MEIS1: variants seen among roughly 807,000 people sequenced by gnomAD.
The protein encoded by MEIS1 is Meis homeobox 1.
In MEIS1, 5 loss-of-function variants were observed where a neutral mutation model predicts 50.8. The observed-to-expected ratio is 0.10, with a 90% CI of 0.05 to 0.21. MEIS1 has a LOEUF of 0.21. Among genes scored for constraint, MEIS1 ranks in the 10% least tolerant of loss-of-function variants. The pLI is 1.00. For missense variants in MEIS1, 318 were observed against 517.3 expected (o/e 0.61, Z 3.74); for synonymous variants, 176 against 179.3 (o/e 0.98, Z 0.15).
intron 7 of MEIS1, among the ~76,000 whole-genome samples, chr2:66,477,001 G>C (rs939168947): frequency 6.6e-6 from 1 of 152,142 alleles, no homozygotes; most frequent in Admixed American, 6.5e-5. Context: ...GGGTGTGAGA[G>C]AGGAAGAGTC....
chr2:66,484,941 A>G (rs556938992), intron 7 of MEIS1, among the ~76,000 whole-genome samples: 60 of 152,144 alleles, frequency 3.9e-4, no homozygotes, highest in Admixed American at 3.5e-3. Flanking sequence ...AGATCCTCAT[A>G]CTACAGCCTA....
Position 66,439,711 on chromosome 2 carries a change from G to C in MEIS1, c.240-132G>C, listed in dbSNP as rs374428304. 1.4e-5 allele frequency: 22 copies of C among 1,553,644 alleles called. No homozygotes were observed. In the African/African-American group the frequency reaches 2.6e-4, roughly 18 times the overall value. On this transcript the variant is annotated intron_variant, in intron 2 of 12. Coordinates refer to ENST00000272369, the MANE Select transcript of MEIS1 (RefSeq NM_002398.3). ...GGGTCTGGGGGAGGGGGAGGAAAAGGAAAAAAGTAGATGACACAATCGGAG... is the reference window on the plus strand; with the variant it reads ...GGGTCTGGGGGAGGGGGAGGAAAAGCAAAAAAGTAGATGACACAATCGGAG...
At chr2:66,517,955 G>A (rs1039568178) in intron 8 of MEIS1, among the ~76,000 whole-genome samples, 1 of 152,156 alleles carries the variant, frequency 6.6e-6, no homozygotes, top group Non-Finnish European at 1.5e-5. Context: ...TAATACTAAT[G>A]ATCATTGTGA....
At chr2:66,534,699 G>T (rs1674477551) in intron 8 of MEIS1, among the ~76,000 whole-genome samples, 1 of 152,072 alleles carries the variant, frequency 6.6e-6, no homozygotes, top group Admixed American at 6.5e-5. Context: ...ATTTAGGAAG[G>T]GAAAACTAGG....
chr2:66,471,779 C>T (rs1012332460), intron 7 of MEIS1, among the ~76,000 whole-genome samples: 8 of 152,260 alleles, frequency 5.3e-5, no homozygotes, highest in Admixed American at 3.3e-4. Flanking sequence ...GAAGGGCATT[C>T]GCTTTTCAGT....
chr2:66,451,145 A>G (rs769127599), intron 6 of MEIS1, among the ~76,000 whole-genome samples: 5 of 152,098 alleles, frequency 3.3e-5, no homozygotes, highest in Non-Finnish European at 7.4e-5. Flanking sequence ...AAAACTGAAA[A>G]CTGTGATTCT....
At chr2:66,438,151 C>G (rs367893452) in intron 2 of MEIS1, among the ~76,000 whole-genome samples, 188 bp downstream of exon 2, 1 of 152,196 alleles carries the variant, frequency 6.6e-6, no homozygotes, top group Non-Finnish European at 1.5e-5. Flanking sequence ...CCCATACACA[C>G]TCTGTGCACA....
At chr2:66,461,992 C>A in intron 6 of MEIS1, 1 of 417,360 alleles carries the variant, frequency 2.4e-6, no homozygotes. Flanking sequence ...ATTTACTAAA[C>A]AATTAAGCAT....
At chr2:66,503,712 A>C (rs1307026790) in intron 7 of MEIS1, among the ~76,000 whole-genome samples, 1 of 150,080 alleles carries the variant, frequency 6.7e-6, no homozygotes, top group African/African-American at 2.5e-5. Flanking sequence ...GACTTTATGC[A>C]AAAGATGGTT....
chr2:66,508,167 C>G (rs1035108290), intron 7 of MEIS1, among the ~76,000 whole-genome samples: 12 of 152,172 alleles, frequency 7.9e-5, no homozygotes, highest in African/African-American at 2.9e-4. Context: ...CGTTAGAAAC[C>G]TGGTGTTTTT....
At chr2:66,438,024 C>A in intron 2 of MEIS1, 61 bp downstream of exon 2, 1 of 1,393,388 alleles carries the variant, frequency 7.2e-7, no homozygotes, top group South Asian at 1.4e-5. Flanking sequence ...TTTCTCTGTG[C>A]CCTTGGTAAG....
chr2:66,542,971 AAT>A (rs1315723466), intron 8 of MEIS1, among the ~76,000 whole-genome samples: 1 of 152,194 alleles, frequency 6.6e-6, no homozygotes, highest in African/African-American at 2.4e-5. Flanking sequence ...GCTCATCTGA[AAT>A]AGTCTGCTTG....
intron 8 of MEIS1, among the ~76,000 whole-genome samples, chr2:66,547,483 T>C (rs1377448890): frequency 1.3e-5 from 2 of 152,156 alleles, no homozygotes; most frequent in African/African-American, 4.8e-5. Context: ...TATTTGCATC[T>C]GGCAATATGG....
intron 9 of MEIS1, among the ~76,000 whole-genome samples, chr2:66,564,200 G>A (rs555445517): frequency 6.6e-6 from 1 of 152,258 alleles, no homozygotes; most frequent in Non-Finnish European, 1.5e-5. Context: ...CAGGTTTTCA[G>A]TGTTTTTGTT....
intron 6 of MEIS1, among the ~76,000 whole-genome samples, chr2:66,457,938 AC>A (rs1672431567): frequency 6.6e-6 from 1 of 152,198 alleles, no homozygotes; most frequent in Non-Finnish European, 1.5e-5. Context: ...ACTAGAGATT[AC>A]TTACTAAAGA....
intron 7 of MEIS1, among the ~76,000 whole-genome samples, chr2:66,499,021 A>G (rs1457911935): frequency 6.6e-6 from 1 of 152,204 alleles, no homozygotes; most frequent in Non-Finnish European, 1.5e-5. Flanking sequence ...TTATTTTCAA[A>G]CAAGCCTACG....
intron 7 of MEIS1, among the ~76,000 whole-genome samples, chr2:66,493,693 CCTAA>C (rs1014212100): frequency 1.2e-4 from 18 of 152,232 alleles, no homozygotes; most frequent in Middle Eastern, 3.4e-3. Flanking sequence ...ACAAAATGTT[CCTAA>C]CTGTCTGACT....
chr2:66,497,157 G>A (rs1043623251), intron 7 of MEIS1, among the ~76,000 whole-genome samples: 17 of 152,252 alleles, frequency 1.1e-4, no homozygotes, highest in African/African-American at 4.1e-4. Context: ...CCTTTCTAGA[G>A]GTTAAAGAAA....
chr2:66,448,242 C>T (rs1383611515), intron 6 of MEIS1, among the ~76,000 whole-genome samples: 4 of 152,084 alleles, frequency 2.6e-5, no homozygotes, highest in Non-Finnish European at 5.9e-5. Flanking sequence ...AATTTTAAAT[C>T]ATTATGTTTT....
Sources: gnomAD v4.1 joint callset for allele counts (sites outside exome capture counted in the v4.1 genomes callset) on GRCh38, gnomAD v4.1.1 for gene constraint, MANE v1.5 for transcripts, NCBI Gene and HGNC (gene_info 2026-07-23, HGNC 2026-07-21) for gene names.